The following RAP1GAP2 variants were observed in gnomAD, a reference collection of about 807,000 sequenced individuals.
The protein encoded by RAP1GAP2 is rap1 GTPase-activating protein 2.
Under a neutral mutation model 95.0 loss-of-function variants are expected in RAP1GAP2, and 27 were observed. The observed-to-expected ratio is 0.28, with a 90% CI of 0.21 to 0.39. RAP1GAP2 has a LOEUF of 0.39. RAP1GAP2 is among the 10% of genes least tolerant of loss of function. The probability of loss-of-function intolerance (pLI) is 1.00; values close to 1 mark genes in which losing one functional copy is unlikely to be tolerated. For missense variants in RAP1GAP2, 771 were observed against 970.0 expected (o/e 0.79, Z 2.72); for synonymous variants, 373 against 380.9 (o/e 0.98, Z 0.24).
intron 3 of RAP1GAP2, among the ~76,000 whole-genome samples, chr17:2,911,120 G>A (rs2042363718): frequency 6.6e-6 from 1 of 152,344 alleles, no homozygotes; most frequent in South Asian, 2.1e-4. Context: ...CACTGGGAAG[G>A]GCTGGCTGGA....
At chr17:2,910,047 C>T (rs1235455625) in intron 3 of RAP1GAP2, among the ~76,000 whole-genome samples, 1 of 152,242 alleles carries the variant, frequency 6.6e-6, no homozygotes, top group Non-Finnish European at 1.5e-5. Flanking sequence ...CCTCACCTTA[C>T]ACCAGCCTGC....
At chr17:2,756,522 C>G (rs1409727828) in intron 1 of RAP1GAP2, among the ~76,000 whole-genome samples, 2 of 152,188 alleles carry the variant, frequency 1.3e-5, no homozygotes, top group East Asian at 3.9e-4. Context: ...CAGCCAGGGG[C>G]CTGACCTCTG....
At chr17:2,824,760 A>G (rs1295669554) in intron 2 of RAP1GAP2, among the ~76,000 whole-genome samples, 1 of 151,576 alleles carries the variant, frequency 6.6e-6, no homozygotes. Flanking sequence ...AAAAAAAAAA[A>G]AAAGAAATAG....
chr17:2,942,146 G>A (rs1268592997), intron 3 of RAP1GAP2, among the ~76,000 whole-genome samples: 1 of 152,144 alleles, frequency 6.6e-6, no homozygotes, highest in Non-Finnish European at 1.5e-5. Context: ...TTTGAATCAG[G>A]ATTCATTCTG....
chr17:2,871,419 C>T lies in RAP1GAP2; in HGVS notation c.81-33865C>T, dbSNP rs911429370. On this transcript the variant is annotated intron_variant, in intron 2 of 24. Coordinates refer to ENST00000254695, the MANE Select transcript of RAP1GAP2 (RefSeq NM_015085.5). The surrounding 1 kb of genome is among the most constrained non-coding windows in gnomAD (Gnocchi z 5.0). Reference sequence around the variant, plus strand: ...GGTGGGAGCGGGGAGCCATGATTGGCCCAGGGAGAGTCAGGGGCGCACTCT... The same window carrying T: ...GGTGGGAGCGGGGAGCCATGATTGGTCCAGGGAGAGTCAGGGGCGCACTCT... 6.6e-6 allele frequency among the ~76,000 whole-genome samples: 1 copy of T among 152,082 alleles called. No individual in the cohort carries two copies.
At chr17:2,916,726 G>A (rs911671891) in intron 3 of RAP1GAP2, among the ~76,000 whole-genome samples, 4 of 152,224 alleles carry the variant, frequency 2.6e-5, no homozygotes, top group African/African-American at 9.6e-5. Context: ...CAGGTGCTCC[G>A]TGATGGACTG....
intron 1 of RAP1GAP2, among the ~76,000 whole-genome samples, chr17:2,757,739 C>T (rs2071172313): frequency 6.6e-6 from 1 of 152,138 alleles, no homozygotes. Flanking sequence ...AGATCAGTTC[C>T]CTCACTTCAC....
At chr17:2,834,707 G>A (rs1254441564) in intron 2 of RAP1GAP2, among the ~76,000 whole-genome samples, 1 of 152,038 alleles carries the variant, frequency 6.6e-6, no homozygotes, top group Non-Finnish European at 1.5e-5. Context: ...TGAAGTGGGA[G>A]GACTGCTTGA....
At chr17:2,794,144 T>G (rs530809823), upstream of RAP1GAP2, among the ~76,000 whole-genome samples, 1 of 151,824 alleles carries the variant, frequency 6.6e-6, no homozygotes, top group South Asian at 2.1e-4. Context: ...TCTCTGTCAG[T>G]TCTCTTCTCT....
chr17:2,994,597 C>T (rs909227779), intron 12 of RAP1GAP2, among the ~76,000 whole-genome samples: 2 of 152,232 alleles, frequency 1.3e-5, no homozygotes, highest in Non-Finnish European at 2.9e-5. Flanking sequence ...GGGCTCCCCA[C>T]CAGCCACCAG....
In RAP1GAP2 at chr17:3,027,807, G is replaced by T. The variant is rs2151664974; in HGVS notation, c.2107+737G>T. 6.6e-6 allele frequency among the ~76,000 whole-genome samples: 1 copy of T among 151,330 alleles called. No homozygotes were observed. Among genetic ancestry groups the T allele is most frequent in the African/African-American group, 2.4e-5 (1 of 41,232 alleles). On this transcript the variant is annotated intron_variant, in intron 22 of 24. Coordinates refer to ENST00000254695, the MANE Select transcript of RAP1GAP2 (RefSeq NM_015085.5). The surrounding 1 kb of genome is among the most constrained non-coding windows in gnomAD (Gnocchi z 5.2). Reference sequence around the variant, plus strand: ...ATGGAGGGGAGGGGAGAGGAGGGGAGGGGAGCTGCGGCAGAAGCACCTCGG... The same window carrying T: ...ATGGAGGGGAGGGGAGAGGAGGGGATGGGAGCTGCGGCAGAAGCACCTCGG...
At chr17:2,861,876 G>A (rs546421966) in intron 2 of RAP1GAP2, among the ~76,000 whole-genome samples, 1 of 152,170 alleles carries the variant, frequency 6.6e-6, no homozygotes, top group African/African-American at 2.4e-5. Flanking sequence ...GGCTGCTCTC[G>A]AACTCCTGAC....
Position 3,027,698 on chromosome 17 carries a change from A to G in RAP1GAP2, c.2107+628A>G, listed in dbSNP as rs2047169858. ...GAAGGTTCTTAAGTAGGGAAGCACC[A>G]TCTGGAGTTGAGAAAGTCCATTTTG... On this transcript the variant is annotated intron_variant, in intron 22 of 24. Transcript: ENST00000254695. The surrounding 1 kb of genome is among the most constrained non-coding windows in gnomAD (Gnocchi z 5.2). 6.8e-6 allele frequency among the ~76,000 whole-genome samples: 1 copy of G among 147,288 alleles called. No homozygotes were observed. The highest frequency in any genetic ancestry group is 2.2e-4 in the South Asian group (1 of 4,532).
chr17:3,012,602 T>G (rs1394960448), intron 17 of RAP1GAP2, among the ~76,000 whole-genome samples: 2 of 60,460 alleles, frequency 3.3e-5, no homozygotes, highest in Non-Finnish European at 6.2e-5. Context: ...CCAGACTGTG[T>G]CTCAAAAAAA....
At chr17:3,019,477 G>A (rs2046882705) in intron 18 of RAP1GAP2, among the ~76,000 whole-genome samples, 1 of 152,132 alleles carries the variant, frequency 6.6e-6, no homozygotes, top group African/African-American at 2.4e-5. Flanking sequence ...TTGGGCCACT[G>A]CACTCCAGCC....
intron 8 of RAP1GAP2, among the ~76,000 whole-genome samples, chr17:2,968,312 C>A (rs2044705151): frequency 6.6e-6 from 1 of 152,034 alleles, no homozygotes. Flanking sequence ...TGTAGAAAAT[C>A]CAGTTATTAA....
At chr17:2,881,127 G>T (rs977515097) in intron 2 of RAP1GAP2, among the ~76,000 whole-genome samples, 21 of 152,120 alleles carry the variant, frequency 1.4e-4, no homozygotes, top group African/African-American at 5.1e-4. Context: ...TGGGCATGGT[G>T]GTGCACGCCT....
rs371008282 is a variant in RAP1GAP2 at position 3,004,472 on chromosome 17, G to C, written c.1201-897G>C. ...CTGGGCTCACGTCAGCGGCTGTGTA[G>C]GGAAGGGAGGGCAGTCTCCCGAGAG... On this transcript the variant is annotated intron_variant, in intron 14 of 24. Coordinates refer to ENST00000254695, the MANE Select transcript of RAP1GAP2 (RefSeq NM_015085.5). The surrounding 1 kb of genome is among the most constrained non-coding windows in gnomAD (Gnocchi z 4.1). 6.6e-6 allele frequency among the ~76,000 whole-genome samples: 1 copy of C among 152,248 alleles called. No homozygotes were observed. The highest frequency in any genetic ancestry group is 1.9e-4 in the East Asian group (1 of 5,194).
chr17:2,862,312 A>C (rs947763065), intron 2 of RAP1GAP2, among the ~76,000 whole-genome samples: 4 of 152,326 alleles, frequency 2.6e-5, no homozygotes, highest in Admixed American at 2.6e-4. Context: ...GACAGTCGCC[A>C]TTAGCCAATA....
Sources: gnomAD v4.1 joint callset for allele counts (sites outside exome capture counted in the v4.1 genomes callset) on GRCh38, gnomAD v4.1.1 for gene constraint, Gnocchi (gnomAD v3.1) non-coding constraint, MANE v1.5 for transcripts, NCBI Gene and HGNC (gene_info 2026-07-23, HGNC 2026-07-21) for gene names.